Variants in PCDHGA4 observed in about 807,000 individuals in gnomAD.
PCDHGA4 encodes protocadherin gamma subfamily A, 4.
PCDHGA4 carries 38 observed loss-of-function variants against 54.6 expected under a neutral mutation model. The ratio of observed to expected loss-of-function variants is 0.70; its 90% CI spans 0.54 to 0.91. PCDHGA4 has a LOEUF of 0.91. Among genes scored for constraint, PCDHGA4 ranks in the 40% least tolerant of loss-of-function variants. The pLI is 0.00. For synonymous variants in PCDHGA4, 511 were observed against 512.9 expected (o/e 1.00, Z 0.05); for missense variants, 1,298 against 1,220.9 (o/e 1.06, Z -0.94).
In PCDHGA4 at chr5:141,485,251, C is replaced by T. The variant is rs748522322; in HGVS notation, c.2515-9556C>T. 7 of 1,614,092 alleles carry T rather than the reference C, an allele frequency of 4.3e-6. No individual in the cohort carries two copies. In the South Asian group the frequency reaches 6.6e-5, roughly 15 times the overall value. On this transcript the variant is annotated intron_variant, in intron 1 of 3. Transcript: ENST00000571252. This position sits in a 1 kb window ranked among gnomAD's most constrained non-coding sequence, Gnocchi z 5.7. The stretch of plus-strand genomic sequence containing the variant: ...TGTTCCTCTTTTACCACCTGGGTTA[C>T]GTTTGTGGGCAGATCCGCTACCCGG...
chr5:141,480,710 T>C (rs1174000425), intron 1 of PCDHGA4, among the ~76,000 whole-genome samples: 1 of 152,042 alleles, frequency 6.6e-6, no homozygotes, highest in East Asian at 1.9e-4. Context: ...CCCCGACAAA[T>C]GAAAGCACAG....
At position 141,398,948 on chromosome 5, in the gene PCDHGA4, A is replaced by T. The variant is rs775133149; in HGVS notation, c.2514+41327A>T. The T allele has an allele frequency of 2.5e-6, 4 of 1,613,958 alleles. No homozygotes were observed. The South Asian group carries it at 3.3e-5, about 13-fold the overall frequency. On this transcript the variant is annotated intron_variant, in intron 1 of 3. Transcript: ENST00000571252. The stretch of plus-strand genomic sequence containing the variant: ...GCCACTGACCAAGACGAGGGCATCA[A>T]CTCAGAAATTACTTATTCCTTCTAC...
chr5:141,452,830 T>A (rs2098749929), intron 1 of PCDHGA4, among the ~76,000 whole-genome samples: 1 of 152,166 alleles, frequency 6.6e-6, no homozygotes, highest in South Asian at 2.1e-4. Context: ...CAAAATCACT[T>A]GGTCCAGCCC....
intron 1 of PCDHGA4, chr5:141,409,208 G>A: frequency 6.2e-7 from 1 of 1,613,984 alleles, no homozygotes; most frequent in South Asian, 1.1e-5. Context: ...AGTAATCATA[G>A]AAATCCTTGA....
intron 1 of PCDHGA4, chr5:141,409,041 A>T: frequency 6.2e-7 from 1 of 1,613,982 alleles, no homozygotes; most frequent in Non-Finnish European, 8.5e-7. Flanking sequence ...ATAAACTACT[A>T]CTTCCGAAGC....
chr5:141,494,705 G>C, intron 1 of PCDHGA4, 102 bp from the exon 2 acceptor site: 1 of 1,597,990 alleles, frequency 6.3e-7, no homozygotes, highest in Non-Finnish European at 8.6e-7. Flanking sequence ...TTTCTTCTCT[G>C]TGCCCACTCC....
intron 1 of PCDHGA4, among the ~76,000 whole-genome samples, chr5:141,373,589 GTGA>G (rs1348028052): frequency 6.6e-6 from 1 of 152,242 alleles, no homozygotes; most frequent in Non-Finnish European, 1.5e-5. Flanking sequence ...GTGGTGAAAT[GTGA>G]TGATAATTCA....
chr5:141,438,619 TATATATATATATATATACAC>T (rs1310378007), intron 1 of PCDHGA4, among the ~76,000 whole-genome samples: 16 of 39,678 alleles, frequency 4.0e-4, no homozygotes, highest in African/African-American at 1.2e-3. Flanking sequence ...TATATATATA[TATATATATATATATATACAC>T]ACACACACAC....
At chr5:141,496,050 G>A (rs1232836015) in intron 2 of PCDHGA4, among the ~76,000 whole-genome samples, 2 of 149,892 alleles carry the variant, frequency 1.3e-5, no homozygotes, top group Non-Finnish European at 3.0e-5. Flanking sequence ...ATTTTTTTGT[G>A]CTTGTGGGCA....
Position 141,432,521 on chromosome 5 carries a change from G to C in PCDHGA4, c.2515-62286G>C. ...CCGCTCCGCAGAGCCCGGCTACCTG[G>C]TGACCAAGGTGGTGGCGGTGGACAG... On this transcript the variant is annotated intron_variant, in intron 1 of 3. Transcript: ENST00000571252. The surrounding 1 kb of genome is among the most constrained non-coding windows in gnomAD (Gnocchi z 6.0). 1.2e-6 allele frequency: 2 copies of C among 1,614,112 alleles called. No individual in the cohort carries two copies. The highest frequency in any genetic ancestry group is 1.7e-6 in the Non-Finnish European group (2 of 1,180,028).
intron 1 of PCDHGA4, chr5:141,360,617 A>G (rs370246057): frequency 1.9e-6 from 3 of 1,613,924 alleles, no homozygotes; most frequent in Middle Eastern, 1.6e-4. Flanking sequence ...CTGGATTCAG[A>G]TGTTGGTCCT....
chr5:141,365,833 G>T (rs1457711809), intron 1 of PCDHGA4: 2 of 1,613,920 alleles, frequency 1.2e-6, no homozygotes, highest in Non-Finnish European at 8.5e-7. Context: ...GGGCGCCCTT[G>T]TCCTCCTATG....
chr5:141,364,947 C>T (rs761720184), intron 1 of PCDHGA4: 2 of 1,613,944 alleles, frequency 1.2e-6, no homozygotes, highest in African/African-American at 1.3e-5. Flanking sequence ...GAGAAAGAGA[C>T]TGTTCACGAC....
chr5:141,432,935 C>T lies in PCDHGA4; in HGVS notation c.2515-61872C>T. The T allele has an allele frequency of 4.3e-6, 7 of 1,614,218 alleles. No homozygotes were observed. The highest frequency in any genetic ancestry group is 5.1e-6 in the Non-Finnish European group (6 of 1,180,046). On this transcript the variant is annotated intron_variant, in intron 1 of 3. Transcript: ENST00000571252. This position sits in a 1 kb window ranked among gnomAD's most constrained non-coding sequence, Gnocchi z 6.0. The stretch of plus-strand genomic sequence containing the variant: ...GCGCTGGCACAAGTCACGCCTGCTG[C>T]AGGCTTCAGGAGGCGGCTTGACAGG...
intron 1 of PCDHGA4, among the ~76,000 whole-genome samples, chr5:141,459,461 G>A (rs1217201752): frequency 6.6e-6 from 1 of 152,214 alleles, no homozygotes; most frequent in Non-Finnish European, 1.5e-5. Flanking sequence ...GGACATTTGA[G>A]TTGTGTCCAG....
chr5:141,413,033 T>G, intron 1 of PCDHGA4: 1 of 776,760 alleles, frequency 1.3e-6, no homozygotes, highest in Non-Finnish European at 2.0e-6. Context: ...ACAAACCGGC[T>G]GCTGGGCTGC....
intron 1 of PCDHGA4, chr5:141,371,739 G>A (rs1356190228): frequency 6.2e-7 from 1 of 1,614,036 alleles, no homozygotes; most frequent in South Asian, 1.1e-5. Flanking sequence ...CAACGACAAC[G>A]TTCCCGTTTT....
At chr5:141,498,921 AG>A (rs1289139995) in intron 2 of PCDHGA4, among the ~76,000 whole-genome samples, 1 of 140,074 alleles carries the variant, frequency 7.1e-6, no homozygotes, top group Non-Finnish European at 1.6e-5. Flanking sequence ...TGACAGAGCG[AG>A]ACTCCATCAG....
rs956263164 is a variant in PCDHGA4 at position 141,511,304 on chromosome 5, C to G, written c.*131C>G. The G allele has an allele frequency of 3.3e-5, 49 of 1,490,320 alleles. No homozygotes were observed. The highest frequency in any genetic ancestry group is 4.2e-5 in the African/African-American group (3 of 71,286). The allele number at this position is 1,490,320 out of a possible 1,614,324, so 92.3% of individuals were successfully genotyped here. ...TGGTAGGGGCCAAGGCCATGCTCCC[C>G]TTGGGAAACAGAAACAAGTGCCCAG... On this transcript the variant is annotated 3_prime_UTR_variant, in exon 4 of 4. Coordinates refer to ENST00000571252, the MANE Select transcript of PCDHGA4 (RefSeq NM_018917.4).
Sources: gnomAD v4.1 joint callset for allele counts (sites outside exome capture counted in the v4.1 genomes callset) on GRCh38, gnomAD v4.1.1 for gene constraint, Gnocchi (gnomAD v3.1) non-coding constraint, MANE v1.5 for transcripts, NCBI Gene and HGNC (gene_info 2026-07-23, HGNC 2026-07-21) for gene names.